ANKRD36: variants seen among roughly 807,000 people sequenced by gnomAD.
ANKRD36 encodes ankyrin repeat domain-containing protein 36A.
Under a neutral mutation model 278.1 loss-of-function variants are expected in ANKRD36, and 179 were observed. That is an observed-to-expected ratio of 0.64 (90% confidence interval 0.57 to 0.73). ANKRD36 has a LOEUF of 0.73. Ranked by LOEUF, ANKRD36 falls within the 30% of genes least tolerant of loss-of-function variation. The probability of loss-of-function intolerance (pLI) is 0.00; values close to 1 mark genes in which losing one functional copy is unlikely to be tolerated. For synonymous variants in ANKRD36, 320 were observed against 641.1 expected (o/e 0.50, Z 7.57); for missense variants, 1,159 against 1,956.7 (o/e 0.59, Z 7.69).
chr2:97,141,105 T>A (rs2042793239), intron 6 of ANKRD36, among the ~76,000 whole-genome samples: 1 of 151,680 alleles, frequency 6.6e-6, no homozygotes, highest in Non-Finnish European at 1.5e-5. Context: ...AGGTAGTTAT[T>A]TCATAAAAGG....
At position 97,146,420 on chromosome 2, in the gene ANKRD36, T is replaced by C. The variant is rs1159761647; in HGVS notation, c.1004-66T>C. ...ATAGGAACAAGTCACTGTGCTCTTT[T>C]ATGTTTTTAATATTTTATAGGTTCC... On this transcript the variant is annotated intron_variant, in intron 10 of 75. Coordinates refer to ENST00000420699, the MANE Select transcript of ANKRD36 (RefSeq NM_001354587.1). The C allele has an allele frequency of 3.0e-6, 4 of 1,323,218 alleles. No individual in the cohort carries two copies. In the East Asian group the frequency reaches 1.0e-4, roughly 33 times the overall value. The allele number at this position is 1,323,218 out of a possible 1,614,324, so 82.0% of individuals were successfully genotyped here. A position where few individuals can be genotyped will look rare whatever the true frequency, so the allele number is the denominator to read the frequency against.
At chr2:97,225,091 A>G (rs1342997072) in intron 67 of ANKRD36, among the ~76,000 whole-genome samples, 1 of 151,932 alleles carries the variant, frequency 6.6e-6, no homozygotes, top group Non-Finnish European at 1.5e-5. Flanking sequence ...TACTCTTGGA[A>G]CTGAGTTAAA....
At chr2:97,210,458 C>T (rs1359828216) in intron 56 of ANKRD36, among the ~76,000 whole-genome samples, 8 of 151,848 alleles carry the variant, frequency 5.3e-5, no homozygotes, top group Admixed American at 2.6e-4. Flanking sequence ...ATTTTGGCTG[C>T]TCGAGGAACT....
chr2:97,113,665 G>T lies in ANKRD36; in HGVS notation c.-75G>T. On this transcript the variant is annotated 5_prime_UTR_variant, in exon 1 of 76. Coordinates refer to ENST00000420699, the MANE Select transcript of ANKRD36 (RefSeq NM_001354587.1). ...CCGTGGACAGACTGCTTTGCTCGTT[G>T]TTGCTCTTCGGAGGCGGCGATCCCC... 6 of 1,595,154 alleles carry T rather than the reference G, an allele frequency of 3.8e-6. No individual in the cohort carries two copies. The highest frequency in any genetic ancestry group is 5.1e-6 in the Non-Finnish European group (6 of 1,168,544).
chr2:97,205,001 G>T (rs1261737227), intron 50 of ANKRD36, among the ~76,000 whole-genome samples: 7 of 151,282 alleles, frequency 4.6e-5, no homozygotes, highest in Non-Finnish European at 7.4e-5. Flanking sequence ...TGAATACATT[G>T]GCTTCTTTGT....
chr2:97,202,969 G>C (rs1469751885), intron 48 of ANKRD36, among the ~76,000 whole-genome samples: 2 of 151,784 alleles, frequency 1.3e-5, no homozygotes, highest in South Asian at 2.1e-4. Context: ...AAAAATACTT[G>C]ATTTTGGCTG....
chr2:97,118,117 T>C lies in ANKRD36; in HGVS notation c.251T>C (p.Leu84Pro). 5 of 1,561,110 alleles carry C rather than the reference T, an allele frequency of 3.2e-6. No individual in the cohort carries two copies. Among genetic ancestry groups the C allele is most frequent in the Non-Finnish European group, 4.3e-6 (5 of 1,151,706 alleles). ...GGCCAACCGGAAATGGTACATCTCC[T>C]GGTGTCCAGAAGATGTGAGCTTAAC... ...ATGQPEMVHLLVSRRCELNLC... is the reference protein window; with the variant it reads ...ATGQPEMVHLPVSRRCELNLC... Residue 84 changes from leucine to proline, a missense_variant, in exon 2 of 76, where the codon CTG becomes CCG. Transcript: ENST00000420699.
intron 20 of ANKRD36, among the ~76,000 whole-genome samples, chr2:97,165,404 T>C (rs1211809100): frequency 3.9e-5 from 6 of 152,152 alleles, no homozygotes; most frequent in Admixed American, 3.9e-4. Flanking sequence ...TGAACATAAA[T>C]ATGATGACAT....
At chr2:97,233,681 G>A in intron 67 of ANKRD36, 49 bp from the exon 68 acceptor site, 1 of 1,530,614 alleles carries the variant, frequency 6.5e-7, no homozygotes. Flanking sequence ...TTTTGTATAT[G>A]CTATAAATAT....
intron 58 of ANKRD36, among the ~76,000 whole-genome samples, chr2:97,212,017 T>C (rs559451671): frequency 6.6e-6 from 1 of 151,992 alleles, no homozygotes; most frequent in Admixed American, 6.6e-5. Context: ...AGCATCATTT[T>C]GCTTTAATTC....
chr2:97,183,810 G>T (rs1382919383), intron 28 of ANKRD36, among the ~76,000 whole-genome samples, 156 bp downstream of exon 28: 1 of 151,726 alleles, frequency 6.6e-6, no homozygotes, highest in Non-Finnish European at 1.5e-5. Context: ...TGGTGCTGAT[G>T]CTGCTGGTCC....
chr2:97,194,909 C>T lies in ANKRD36; in HGVS notation c.2543C>T (p.Ser848Phe). Residue 848 changes from serine (S) to phenylalanine (F), a missense_variant, in exon 40 of 76, where the codon TCT becomes TTT. Ser to Phe is a radical substitution (Grantham distance 155, BLOSUM62 -2). Transcript: ENST00000420699. Reference protein sequence around the residue: ...ITRGKKDGEISRKVSSQKPPT... With the variant: ...ITRGKKDGEIFRKVSSQKPPT... ...AGAGGAAAAAAGGATGGAGAAATAT[C>T]TAGGAAAGGTAATTTTGCGAAACAC... 1 of 1,551,798 alleles carries T rather than the reference C, an allele frequency of 6.4e-7. No homozygotes were observed. Among genetic ancestry groups the T allele is most frequent in the East Asian group, 2.4e-5 (1 of 41,434 alleles).
intron 20 of ANKRD36, among the ~76,000 whole-genome samples, chr2:97,167,178 G>A (rs1296269536): frequency 6.6e-6 from 1 of 151,654 alleles, no homozygotes; most frequent in African/African-American, 2.4e-5. Context: ...GAGTATTTTT[G>A]TTAACTATGC....
intron 40 of ANKRD36, among the ~76,000 whole-genome samples, chr2:97,196,234 T>A (rs528755374): frequency 6.6e-6 from 1 of 152,110 alleles, no homozygotes; most frequent in South Asian, 2.1e-4. Context: ...ACATGTGAGA[T>A]CATGTAGCAC....
rs566924679 is a variant in ANKRD36, at chr2:97,235,098, C to G, written c.4093+1227C>G. Among the ~76,000 whole-genome samples the G allele has an allele frequency of 3.8e-3, 570 of 150,896 alleles. 11 individuals are homozygous for G. Among genetic ancestry groups the G allele is most frequent in the African/African-American group, 0.013 (546 of 40,484 alleles). ...AAAATGTTTGCCTAGCACAAGGTCA[C>G]AAAGATTGTTCCTGTGTTTGTTCTA... On this transcript the variant is annotated intron_variant, in intron 68 of 75. Transcript: ENST00000420699.
intron 68 of ANKRD36, among the ~76,000 whole-genome samples, chr2:97,235,272 C>G (rs1365583919): frequency 6.6e-6 from 1 of 151,434 alleles, no homozygotes; most frequent in Non-Finnish European, 1.5e-5. Context: ...AAAAGGCTAT[C>G]CTTTCTCCAC....
chr2:97,198,926 C>T (rs570360605), intron 44 of ANKRD36, among the ~76,000 whole-genome samples: 449 of 151,876 alleles, frequency 3.0e-3, no homozygotes, highest in African/African-American at 9.9e-3. Context: ...CGGGGAACAA[C>T]ATAATTTTGC....
intron 39 of ANKRD36, 41 bp downstream of exon 39, chr2:97,194,795 T>C (rs1393164190): frequency 1.2e-6 from 2 of 1,602,542 alleles, no homozygotes; most frequent in Non-Finnish European, 1.7e-6. Flanking sequence ...AGTAAACGTA[T>C]AGCCTATGAA....
At chr2:97,175,039 T>C in intron 22 of ANKRD36, among the ~76,000 whole-genome samples, 1 of 146,440 alleles carries the variant, frequency 6.8e-6, no homozygotes, top group Non-Finnish European at 1.5e-5. Flanking sequence ...AGTATTTTAT[T>C]GAGGATTTTT....
Sources: allele counts gnomAD v4.1 joint callset (sites outside exome capture counted in the v4.1 genomes callset), GRCh38; gene constraint gnomAD v4.1.1; transcripts MANE v1.5; gene names NCBI Gene and HGNC (gene_info 2026-07-23, HGNC 2026-07-21).